UBTD2: variants seen among roughly 807,000 people sequenced by gnomAD.
The protein encoded by UBTD2 is ubiquitin domain containing 2.
In UBTD2, 9 loss-of-function variants were observed where a neutral mutation model predicts 19.8. The observed-to-expected ratio is 0.46, with a 90% confidence interval of 0.27 to 0.79. The LOEUF is 0.79. Among genes scored for constraint, UBTD2 ranks in the 30% least tolerant of loss-of-function variants. UBTD2 has a pLI of 0.14. For synonymous variants in UBTD2, 98 were observed against 103.9 expected (o/e 0.94, Z 0.35); for missense variants, 250 against 300.4 (o/e 0.83, Z 1.24).
At chr5:172,257,741 T>C (rs1755185740) in intron 1 of UBTD2, among the ~76,000 whole-genome samples, 1 of 152,240 alleles carries the variant, frequency 6.6e-6, no homozygotes. Flanking sequence ...AAAAAAGTCA[T>C]GATTTACGTT....
At chr5:172,249,431 C>T (rs879447524) in intron 1 of UBTD2, among the ~76,000 whole-genome samples, 1 of 119,976 alleles carries the variant, frequency 8.3e-6, no homozygotes, top group Non-Finnish European at 1.8e-5. Flanking sequence ...AAAAAAAGAA[C>T]AGCAATCCTT....
chr5:172,240,673 TTTC>T, intron 1 of UBTD2, among the ~76,000 whole-genome samples: 1 of 152,276 alleles, frequency 6.6e-6, no homozygotes, highest in Middle Eastern at 3.4e-3. Flanking sequence ...CTACAAAACT[TTTC>T]TTAATGGGTC....
chr5:172,228,141 A>G (rs546354980), intron 2 of UBTD2, among the ~76,000 whole-genome samples: 205 of 152,314 alleles, frequency 1.3e-3, no homozygotes, highest in African/African-American at 4.5e-3. Context: ...ACAATTTACT[A>G]TTTTGAAGTA....
chr5:172,261,594 T>A (rs565476336), intron 1 of UBTD2, among the ~76,000 whole-genome samples: 139 of 152,064 alleles, frequency 9.1e-4, no homozygotes, highest in Non-Finnish European at 1.7e-3. Flanking sequence ...AGATAATAAC[T>A]GTGTTTACTG....
At chr5:172,219,201 A>C (rs997124346) in intron 2 of UBTD2, among the ~76,000 whole-genome samples, 1 of 152,260 alleles carries the variant, frequency 6.6e-6, no homozygotes, top group Non-Finnish European at 1.5e-5. Context: ...AATTCTATCA[A>C]ACATTTCAGA....
chr5:172,278,925 C>G (rs185675574), intron 1 of UBTD2, among the ~76,000 whole-genome samples: 9 of 152,224 alleles, frequency 5.9e-5, no homozygotes, highest in African/African-American at 2.2e-4. Context: ...CAGGCACTCG[C>G]CACCACCACA....
In UBTD2 at chr5:172,280,374, G is replaced by A. The variant is rs1250789824; in HGVS notation, c.70+3222C>T. 2.6e-5 allele frequency among the ~76,000 whole-genome samples: 4 copies of A among 152,010 alleles called. No homozygotes were observed. In the South Asian group the frequency reaches 6.2e-4, roughly 24 times the overall value. ...AATACCAACAAATTAGCTGGGCATG[G>A]TGGTGGGCACCCGTAATCCCAGCTA... On this transcript the variant is annotated intron_variant, in intron 1 of 2. Coordinates refer to ENST00000393792, the MANE Select transcript of UBTD2 (RefSeq NM_152277.3).
intron 1 of UBTD2, among the ~76,000 whole-genome samples, chr5:172,282,970 C>G (rs1419665489): frequency 2.0e-5 from 3 of 152,120 alleles, no homozygotes; most frequent in African/African-American, 4.8e-5. Flanking sequence ...CCTAACACCC[C>G]CAAGCTCTAG....
At chr5:172,236,342 T>C (rs1233889313) in intron 1 of UBTD2, among the ~76,000 whole-genome samples, 1 of 152,252 alleles carries the variant, frequency 6.6e-6, no homozygotes, top group Non-Finnish European at 1.5e-5. Flanking sequence ...AGTCTCTTTA[T>C]TTAATCAACA....
chr5:172,256,318 T>C (rs1755148588), intron 1 of UBTD2, among the ~76,000 whole-genome samples: 1 of 152,020 alleles, frequency 6.6e-6, no homozygotes. Flanking sequence ...ACACCTTAAG[T>C]CTGAAAAGGT....
At chr5:172,230,847 G>A (rs536153972) in intron 2 of UBTD2, among the ~76,000 whole-genome samples, 21 of 150,298 alleles carry the variant, frequency 1.4e-4, no homozygotes, top group Middle Eastern at 3.4e-3. Context: ...GCAGTGACGC[G>A]ATCTTGGCTC....
intron 1 of UBTD2, among the ~76,000 whole-genome samples, chr5:172,280,078 G>C (rs1755678948): frequency 6.6e-6 from 1 of 151,836 alleles, no homozygotes; most frequent in Admixed American, 6.6e-5. Context: ...TTCCAGCCTG[G>C]GCAACAAGAG....
Position 172,277,151 on chromosome 5 carries a change from TTTTC to T in UBTD2, c.70+6441_70+6444del, listed in dbSNP as rs143716154. Among the ~76,000 whole-genome samples the T allele has an allele frequency of 9.2e-3, 1,403 of 152,084 alleles. 29 individuals carry two copies. Among genetic ancestry groups the T allele is most frequent in the African/African-American group, 0.032 (1,315 of 41,446 alleles). ...TTTATGAATTACTTTTGTCAACTTT[TTTTC>T]TTTTTTAGCTACCCTGTTAACTGAA... On this transcript the variant is annotated intron_variant, in intron 1 of 2. Transcript: ENST00000393792.
chr5:172,267,326 C>T (rs1006859897), intron 1 of UBTD2, among the ~76,000 whole-genome samples: 12 of 152,180 alleles, frequency 7.9e-5, no homozygotes, highest in African/African-American at 2.2e-4. Flanking sequence ...GCCATCTTTA[C>T]GCATATATGA....
intron 1 of UBTD2, among the ~76,000 whole-genome samples, chr5:172,241,591 T>C (rs1442152953): frequency 6.6e-6 from 1 of 152,094 alleles, no homozygotes. Flanking sequence ...AGATTATATA[T>C]ATAATTGCAG....
chr5:172,214,735 T>C (rs1429398338), intron 2 of UBTD2, among the ~76,000 whole-genome samples: 18 of 152,222 alleles, frequency 1.2e-4, no homozygotes, highest in Admixed American at 1.2e-3. Flanking sequence ...ATTTGTTTTT[T>C]ATTTAATATG....
chr5:172,261,349 A>C (rs1561863694), intron 1 of UBTD2, among the ~76,000 whole-genome samples: 3 of 152,220 alleles, frequency 2.0e-5, no homozygotes, highest in Non-Finnish European at 4.4e-5. Flanking sequence ...ACAGGCCTAG[A>C]AAAGCTTTAT....
chr5:172,265,655 A>T (rs1581231803), intron 1 of UBTD2, among the ~76,000 whole-genome samples: 1 of 152,096 alleles, frequency 6.6e-6, no homozygotes, highest in East Asian at 1.9e-4. Flanking sequence ...TTCATTCTCC[A>T]AATGATAAAA....
Position 172,251,132 on chromosome 5 carries a change from G to C in UBTD2, c.71-16774C>G, listed in dbSNP as rs190185906. ...AATCGAGCTCATCCTGGCTAACACG[G>C]TGAAACCCGTCTCTACTAAAAATAC... On this transcript the variant is annotated intron_variant, in intron 1 of 2. Transcript: ENST00000393792. Among the ~76,000 whole-genome samples the C allele has an allele frequency of 3.8e-4, 58 of 151,032 alleles. No homozygotes were observed. The East Asian group carries it at 9.0e-3, about 23-fold the overall frequency.
Sources: gnomAD v4.1 joint callset for allele counts (sites outside exome capture counted in the v4.1 genomes callset) on GRCh38, gnomAD v4.1.1 for gene constraint, MANE v1.5 for transcripts, NCBI Gene and HGNC (gene_info 2026-07-23, HGNC 2026-07-21) for gene names.